Variants in DOCK7 observed in about 807,000 individuals in gnomAD.
DOCK7 encodes dedicator of cytokinesis 7, also known as dedicator of cytokinesis protein 7.
DOCK7 carries 138 observed loss-of-function variants against 271.0 expected under a neutral mutation model. The ratio of observed to expected loss-of-function variants is 0.51; its 90% CI spans 0.44 to 0.59. DOCK7 has a LOEUF of 0.59. DOCK7 is among the 20% of genes least tolerant of loss of function. The probability of loss-of-function intolerance (pLI) is 0.00; values close to 1 mark genes in which losing one functional copy is unlikely to be tolerated. For missense variants in DOCK7, 2,066 were observed against 2,592.4 expected (o/e 0.80, Z 4.41); for synonymous variants, 823 against 876.1 (o/e 0.94, Z 1.07).
At chr1:62,496,667 CTT>C (rs1253534601) in intron 37 of DOCK7, among the ~76,000 whole-genome samples, 170 bp from the exon 38 acceptor site, 1 of 152,032 alleles carries the variant, frequency 6.6e-6, no homozygotes, top group Non-Finnish European at 1.5e-5. Flanking sequence ...GGTTGTAAAA[CTT>C]AGAATTTTGT....
rs1645182481 is a variant in DOCK7, at chr1:62,531,806, A to G, written c.3612-2360T>C. On this transcript the variant is annotated intron_variant, in intron 29 of 49. Coordinates refer to ENST00000635253, the MANE Select transcript of DOCK7 (RefSeq NM_001367561.1). ...TAAAGATGAGATATGAGTTTCTTACAGTTAATCCTTCATTCATCAAATTAA... is the reference window on the plus strand; with the variant it reads ...TAAAGATGAGATATGAGTTTCTTACGGTTAATCCTTCATTCATCAAATTAA... Among the ~76,000 whole-genome samples, 4 of 152,224 alleles carry G rather than the reference A, an allele frequency of 2.6e-5. No individual in the cohort carries two copies. In the South Asian group the frequency reaches 8.3e-4, roughly 32 times the overall value.
intron 14 of DOCK7, chr1:62,601,990 A>G: frequency 1.5e-6 from 1 of 668,782 alleles, no homozygotes; most frequent in South Asian, 1.8e-5. Context: ...TATGAAATAT[A>G]TATGAGTATT....
At chr1:62,492,585 G>A (rs1454002046) in intron 41 of DOCK7, 119 bp downstream of exon 41, 23 of 1,294,896 alleles carry the variant, frequency 1.8e-5, no homozygotes, top group Non-Finnish European at 2.4e-5. Flanking sequence ...ACCATACTGG[G>A]TCCAGAATAA....
In DOCK7 at chr1:62,612,841, A is replaced by G. The variant is rs563607015; in HGVS notation, c.1682+5865T>C. On this transcript the variant is annotated intron_variant, in intron 14 of 49. Transcript: ENST00000635253. ...TGTTTGCTAGATATAGTCTTTCAAA[A>G]ATACTAAGTAGAAAAACAAAGATAC... Among the ~76,000 whole-genome samples, 5 of 152,308 alleles carry G rather than the reference A, an allele frequency of 3.3e-5. No homozygotes were observed. The South Asian group carries it at 1.0e-3, about 32-fold the overall frequency.
At chr1:62,598,675 C>A (rs746161031) in intron 14 of DOCK7, 7 of 1,407,378 alleles carry the variant, frequency 5.0e-6, no homozygotes, top group Non-Finnish European at 6.0e-6. Context: ...AACTTATAAC[C>A]AACCTACTCT....
intron 24 of DOCK7, 68 bp downstream of exon 24, chr1:62,543,588 A>T: frequency 8.3e-7 from 1 of 1,204,944 alleles, no homozygotes; most frequent in Non-Finnish European, 1.2e-6. Flanking sequence ...TTATGTAAAG[A>T]AATCTTACAT....
At chr1:62,462,361 A>G (rs1275456991) in intron 48 of DOCK7, among the ~76,000 whole-genome samples, 1 of 152,234 alleles carries the variant, frequency 6.6e-6, no homozygotes, top group Non-Finnish European at 1.5e-5. Flanking sequence ...ACAAGGTGAG[A>G]GGAATTGCTC....
chr1:62,466,973 GAAC>G (rs1221790840), intron 48 of DOCK7, among the ~76,000 whole-genome samples: 2 of 151,494 alleles, frequency 1.3e-5, no homozygotes, highest in South Asian at 2.1e-4. Context: ...CAAAAAACAA[GAAC>G]AACAAAATAC....
rs139921866 is a variant in DOCK7 at position 62,558,036 on chromosome 1, A to C, written c.2431+953T>G. Among the ~76,000 whole-genome samples the C allele has an allele frequency of 1.8e-4, 28 of 152,238 alleles. No individual in the cohort carries two copies. The East Asian group carries it at 5.2e-3, about 28-fold the overall frequency. On this transcript the variant is annotated intron_variant, in intron 20 of 49. Transcript: ENST00000635253. Reference sequence around the variant, plus strand: ...ATGTTACTTCTCTAATTAAGACCAGATTCTTCAAAGGCTATTTATTCCCTA... The same window carrying C: ...ATGTTACTTCTCTAATTAAGACCAGCTTCTTCAAAGGCTATTTATTCCCTA...
intron 38 of DOCK7, chr1:62,496,037 C>T (rs1646612136): frequency 2.7e-6 from 1 of 368,260 alleles, no homozygotes; most frequent in African/African-American, 2.1e-5. Context: ...GTTTTTAAGG[C>T]ATATTATTGT....
chr1:62,539,905 TATAAATTATTA>T lies in DOCK7; in HGVS notation c.3046-24_3046-14del, dbSNP rs1204435063. ...CCATGCTCTTTACCTGAAAAAAAGA[TATAAATTATTA>T]ATTTCCTATGAATATATTTAACAAT... On this transcript the variant is annotated splice_polypyrimidine_tract_variant and intron_variant, in intron 25 of 49. Coordinates refer to ENST00000635253, the MANE Select transcript of DOCK7 (RefSeq NM_001367561.1). The T allele has an allele frequency of 6.5e-7, 1 of 1,527,566 alleles. No homozygotes were observed. The allele number at this position is 1,527,566 out of a possible 1,614,324, so 94.6% of individuals were successfully genotyped here.
intron 22 of DOCK7, among the ~76,000 whole-genome samples, chr1:62,548,062 A>G (rs1553167182): frequency 6.6e-6 from 1 of 152,146 alleles, no homozygotes; most frequent in Non-Finnish European, 1.5e-5. Context: ...TCTACTGAGC[A>G]CCTTGAATAA....
intron 14 of DOCK7, chr1:62,604,888 G>T: frequency 6.7e-7 from 1 of 1,486,556 alleles, no homozygotes; most frequent in Non-Finnish European, 9.4e-7. Flanking sequence ...CTAATAATCT[G>T]GTATTAAATC....
chr1:62,664,545 T>C (rs576223499), intron 1 of DOCK7, among the ~76,000 whole-genome samples: 7 of 152,160 alleles, frequency 4.6e-5, no homozygotes, highest in Non-Finnish European at 7.3e-5. Context: ...TGGATATATC[T>C]TTATTAGCAG....
chr1:62,556,682 T>C (rs988618449), intron 20 of DOCK7, among the ~76,000 whole-genome samples: 5 of 152,152 alleles, frequency 3.3e-5, no homozygotes, highest in African/African-American at 1.2e-4. Context: ...CATAAATGGG[T>C]AAACTGAACA....
At chr1:62,593,751 G>A (rs1648811103) in intron 14 of DOCK7, among the ~76,000 whole-genome samples, 1 of 152,130 alleles carries the variant, frequency 6.6e-6, no homozygotes, top group Non-Finnish European at 1.5e-5. Context: ...ACGGTCTAAT[G>A]AGACAATTGA....
intron 22 of DOCK7, among the ~76,000 whole-genome samples, chr1:62,547,343 T>A (rs1645744397): frequency 1.3e-5 from 2 of 152,172 alleles, no homozygotes; most frequent in Non-Finnish European, 2.9e-5. Flanking sequence ...TATAATAACT[T>A]TATGTTTACC....
At chr1:62,467,980 C>T (rs906613570) in intron 48 of DOCK7, among the ~76,000 whole-genome samples, 7 of 152,038 alleles carry the variant, frequency 4.6e-5, no homozygotes, top group African/African-American at 1.4e-4. Context: ...TGATACACCA[C>T]AAAAACAGAA....
intron 12 of DOCK7, among the ~76,000 whole-genome samples, chr1:62,621,321 G>A (rs1214470881): frequency 4.6e-5 from 7 of 152,102 alleles, no homozygotes; most frequent in Non-Finnish European, 1.0e-4. Flanking sequence ...ACCCATAGCC[G>A]ATTAACACAA....
Sources: allele counts gnomAD v4.1 joint callset (sites outside exome capture counted in the v4.1 genomes callset), GRCh38; gene constraint gnomAD v4.1.1; transcripts MANE v1.5; gene names NCBI Gene and HGNC (gene_info 2026-07-23, HGNC 2026-07-21).